Variants in KCNMA1 observed in about 807,000 individuals in gnomAD.
The protein encoded by KCNMA1 is potassium calcium-activated channel subfamily M alpha 1, also known as Calcium-activated potassium channel subunit alpha-1.
KCNMA1 carries 29 observed loss-of-function variants against 140.0 expected under a neutral mutation model. The observed-to-expected ratio is 0.21, with a 90% CI of 0.15 to 0.28. The LOEUF (loss-of-function observed/expected upper bound fraction) is 0.28, where lower values mean the gene tolerates loss of function less well. Ranked by LOEUF, KCNMA1 falls within the 10% of genes least tolerant of loss-of-function variation. The pLI is 1.00. For synonymous variants in KCNMA1, 612 were observed against 611.9 expected, an observed-to-expected ratio of 1.00 and a Z score of 0.00; for missense variants, 880 against 1,602.2, an observed-to-expected ratio of 0.55 and a Z score of 7.70.
intron 1 of KCNMA1, among the ~76,000 whole-genome samples, chr10:77,568,615 C>T (rs1364341541): frequency 2.0e-5 from 3 of 150,536 alleles, no homozygotes; most frequent in African/African-American, 7.4e-5. Flanking sequence ...ATGACAAACC[C>T]ACAGCCAATA....
intron 15 of KCNMA1, among the ~76,000 whole-genome samples, chr10:77,028,938 T>C (rs951333663): frequency 1.3e-5 from 2 of 152,054 alleles, no homozygotes; most frequent in African/African-American, 4.8e-5. Flanking sequence ...AGTAGAAAAA[T>C]AGAAAACAAC....
chr10:77,557,811 G>A (rs559870425), intron 1 of KCNMA1, among the ~76,000 whole-genome samples: 2 of 152,066 alleles, frequency 1.3e-5, no homozygotes, highest in East Asian at 1.9e-4. Context: ...CACCATACCT[G>A]GCTAATTTTT....
At chr10:77,312,413 G>A (rs1416902081) in intron 2 of KCNMA1, among the ~76,000 whole-genome samples, 1 of 152,218 alleles carries the variant, frequency 6.6e-6, no homozygotes, top group Non-Finnish European at 1.5e-5. Flanking sequence ...ATCACCTGAG[G>A]TCAGGAGTTC....
intron 1 of KCNMA1, among the ~76,000 whole-genome samples, chr10:77,593,447 C>T (rs546223972): frequency 6.6e-6 from 1 of 152,148 alleles, no homozygotes; most frequent in Non-Finnish European, 1.5e-5. Context: ...CTTTGAAGTA[C>T]AATGTGGGGT....
chr10:77,502,212 C>T (rs1190502410), intron 1 of KCNMA1, among the ~76,000 whole-genome samples: 1 of 152,216 alleles, frequency 6.6e-6, no homozygotes, highest in East Asian at 1.9e-4. Context: ...TTCTTCCTGA[C>T]ACTCCCACTG....
chr10:77,438,052 T>A (rs565472330), intron 1 of KCNMA1, among the ~76,000 whole-genome samples: 73 of 152,180 alleles, frequency 4.8e-4, no homozygotes, highest in Admixed American at 1.4e-3. Context: ...TTTAAATGTT[T>A]GGTTTAATTT....
At chr10:77,221,201 C>T (rs1599107931) in intron 3 of KCNMA1, among the ~76,000 whole-genome samples, 1 of 152,304 alleles carries the variant, frequency 6.6e-6, no homozygotes, top group African/African-American at 2.4e-5. Context: ...CCATCCTCCT[C>T]TCTCCTCACC....
chr10:77,146,742 G>A (rs1903893), intron 5 of KCNMA1, among the ~76,000 whole-genome samples: 101,363 of 125,130 alleles, frequency 0.81, 40,266 homozygotes, highest in Middle Eastern at 0.87. Context: ...AAAGAAAGAA[G>A]GAAAGAAAAA....
chr10:77,580,572 G>A (rs2075589877), intron 1 of KCNMA1, among the ~76,000 whole-genome samples: 1 of 152,184 alleles, frequency 6.6e-6, no homozygotes, highest in Non-Finnish European at 1.5e-5. Context: ...GGCAGGGTCA[G>A]CCTGCCCCAG....
At chr10:77,575,539 T>C (rs568105906) in intron 1 of KCNMA1, among the ~76,000 whole-genome samples, 2 of 152,242 alleles carry the variant, frequency 1.3e-5, no homozygotes, top group Admixed American at 1.3e-4. Flanking sequence ...CCCAGGGAGC[T>C]AAGTCTTAAT....
At chr10:77,386,210 A>G (rs992192808) in intron 2 of KCNMA1, among the ~76,000 whole-genome samples, 5 of 152,222 alleles carry the variant, frequency 3.3e-5, no homozygotes, top group African/African-American at 1.2e-4. Context: ...AGTTGCATGC[A>G]GCCATTTACT....
chr10:76,910,198 G>A (rs2049544174), intron 24 of KCNMA1, 102 bp from the exon 25 acceptor site: 4 of 1,330,902 alleles, frequency 3.0e-6, no homozygotes, highest in Middle Eastern at 1.8e-4. Context: ...AAGTCATTGA[G>A]AAGGAAACAA....
chr10:77,079,377 T>TGTGTGC, intron 13 of KCNMA1, 104 bp downstream of exon 13: 1 of 735,226 alleles, frequency 1.4e-6, no homozygotes, highest in Non-Finnish European at 2.5e-6. Flanking sequence ...AGAGTGTGTG[T>TGTGTGC]GTGTGTGTGT....
intron 1 of KCNMA1, among the ~76,000 whole-genome samples, chr10:77,614,771 G>A (rs181848391): frequency 2.6e-5 from 4 of 152,190 alleles, no homozygotes; most frequent in African/African-American, 9.6e-5. Flanking sequence ...GCAGAGGAAG[G>A]AGCCCCCTTG....
At chr10:77,331,175 C>A (rs964039055) in intron 2 of KCNMA1, among the ~76,000 whole-genome samples, 1 of 152,150 alleles carries the variant, frequency 6.6e-6, no homozygotes, top group African/African-American at 2.4e-5. Context: ...ATCTAGAGAA[C>A]TTTTAAATCC....
At chr10:77,620,251 TGGGCCTGGCCGCC>T (rs953048871) in intron 1 of KCNMA1, among the ~76,000 whole-genome samples, 8 of 152,058 alleles carry the variant, frequency 5.3e-5, no homozygotes, top group African/African-American at 9.7e-5. Flanking sequence ...CCTCAGAGGC[TGGGCCTGGCCGCC>T]GGGCCTGGCC....
chr10:77,384,996 G>A (rs2095553073), intron 2 of KCNMA1, among the ~76,000 whole-genome samples: 1 of 152,170 alleles, frequency 6.6e-6, no homozygotes, highest in African/African-American at 2.4e-5. Flanking sequence ...AGCTATTAAA[G>A]ATTCTCTGAG....
chr10:77,075,667 T>C (rs1003605958), intron 13 of KCNMA1, among the ~76,000 whole-genome samples: 3 of 152,232 alleles, frequency 2.0e-5, no homozygotes. Context: ...ATAGAAAAGT[T>C]GAGTTTGTTC....
chr10:77,520,021 G>T (rs1210715031), intron 1 of KCNMA1, among the ~76,000 whole-genome samples: 1 of 85,576 alleles, frequency 1.2e-5, no homozygotes, highest in East Asian at 4.6e-4. Context: ...TGAGGGCTGG[G>T]GTATGCAGTG....
Sources: gnomAD v4.1 joint callset for allele counts (sites outside exome capture counted in the v4.1 genomes callset) on GRCh38, gnomAD v4.1.1 for gene constraint, MANE v1.5 for transcripts, NCBI Gene and HGNC (gene_info 2026-07-23, HGNC 2026-07-21) for gene names.